The following RBFOX1 variants were observed in gnomAD, a reference collection of about 807,000 sequenced individuals.
RBFOX1 encodes RNA binding fox-1 homolog 1, also known as RNA binding protein fox-1 homolog 1.
In RBFOX1, 8 loss-of-function variants were observed where a neutral mutation model predicts 57.7. The observed-to-expected ratio is 0.14, with a 90% CI of 0.08 to 0.25. RBFOX1 has a LOEUF of 0.25. RBFOX1 is among the 10% of genes least tolerant of loss of function. RBFOX1 has a pLI of 1.00. For missense variants in RBFOX1, 611 were observed against 548.5 expected (o/e 1.11, Z -1.14); for synonymous variants, 326 against 222.4 (o/e 1.47, Z -4.15).
rs1567187333 is a variant in RBFOX1 at position 5,955,283 on chromosome 16, C to CAATAATATAAAATAAAATAAAATAA, written c.351+87953_351+87954insTATAAAATAAAATAAAATAAAATAA. The stretch of plus-strand genomic sequence containing the variant: ...GTGACAAGAGTGAGACTCTGTCTCC[C>CAATAATATAAAATAAAATAAAATAA]AATAAAATAAAATAAAATAAAATAA... On this transcript the variant is annotated intron_variant, in intron 4 of 19. Coordinates refer to the RBFOX1 transcript ENST00000641259. 3.6e-5 allele frequency among the ~76,000 whole-genome samples: 4 copies of CAATAATATAAAATAAAATAAAATAA among 111,594 alleles called. 1 individual carries two copies. Among genetic ancestry groups the CAATAATATAAAATAAAATAAAATAA allele is most frequent in the African/African-American group, 1.5e-4 (4 of 26,488 alleles). The allele number at this position is 111,594 out of a possible 152,430, so 73.2% of individuals were successfully genotyped here. A position where few individuals can be genotyped will look rare whatever the true frequency, so the allele number is the denominator to read the frequency against.
At chr16:7,460,389 A>ATATGTGTGTGTGTG in intron 4 of RBFOX1, among the ~76,000 whole-genome samples, 2 of 87,262 alleles carry the variant, frequency 2.3e-5, no homozygotes, top group African/African-American at 1.3e-4. Flanking sequence ...ATATATATAT[A>ATATGTGTGTGTGTG]TGTGTGTGTG....
chr16:5,414,779 G>T lies in RBFOX1; in HGVS notation c.220-52437G>T, dbSNP rs190980930. Among the ~76,000 whole-genome samples, 36 of 152,258 alleles carry T rather than the reference G, an allele frequency of 2.4e-4. No homozygotes were observed. The East Asian group carries it at 6.6e-3, about 28-fold the overall frequency. On this transcript the variant is annotated intron_variant, in intron 1 of 2. Transcript: ENST00000585867. ...GATCTTAAGGGTGAAATTGACAACT[G>T]GCTGGACATAACGTGACATATAGAG... is the stretch of plus-strand genomic sequence containing the variant.
chr16:7,653,219 G>T (rs1488230229), intron 11 of RBFOX1, among the ~76,000 whole-genome samples: 1 of 152,174 alleles, frequency 6.6e-6, no homozygotes, highest in Non-Finnish European at 1.5e-5. Flanking sequence ...ATGTTTGTGG[G>T]TTGGGCGTGG....
intron 4 of RBFOX1, among the ~76,000 whole-genome samples, chr16:7,060,106 A>C (rs2053786574): frequency 6.6e-6 from 1 of 152,186 alleles, no homozygotes; most frequent in African/African-American, 2.4e-5. Flanking sequence ...CCATAGAGTT[A>C]ACAAACTTTA....
chr16:6,124,774 C>T (rs1433653793), intron 1 of RBFOX1, among the ~76,000 whole-genome samples: 2 of 152,094 alleles, frequency 1.3e-5, no homozygotes, highest in Admixed American at 6.6e-5. Flanking sequence ...GTGATCTGCC[C>T]GCCTTGGCCT....
intron 11 of RBFOX1, among the ~76,000 whole-genome samples, chr16:7,638,084 G>A (rs936122429): frequency 7.2e-5 from 11 of 152,094 alleles, no homozygotes; most frequent in Non-Finnish European, 1.6e-4. Context: ...CTCCATTACA[G>A]AGTTTTTTGG....
chr16:7,000,875 T>C (rs1302688170), intron 3 of RBFOX1, among the ~76,000 whole-genome samples: 2 of 152,206 alleles, frequency 1.3e-5, no homozygotes, highest in Non-Finnish European at 2.9e-5. Flanking sequence ...GTGCTGGGAT[T>C]ACAGGCGTGA....
intron 1 of RBFOX1, among the ~76,000 whole-genome samples, chr16:6,278,799 C>T (rs1288981400): frequency 6.6e-6 from 1 of 151,738 alleles, no homozygotes; most frequent in Non-Finnish European, 1.5e-5. Context: ...AATAGAAACT[C>T]GATATTGTTT....
chr16:6,445,037 C>T (rs960738759), intron 2 of RBFOX1, among the ~76,000 whole-genome samples: 3 of 151,976 alleles, frequency 2.0e-5, no homozygotes, highest in African/African-American at 4.8e-5. Flanking sequence ...TGATGAGACC[C>T]TGTTGAGGTG....
intron 1 of RBFOX1, among the ~76,000 whole-genome samples, chr16:5,447,374 ATCAATC>A (rs1298681227): frequency 2.0e-4 from 16 of 79,156 alleles, no homozygotes; most frequent in Non-Finnish European, 3.8e-4. Context: ...CAATCAATCA[ATCAATC>A]TCTCTCTCTC....
At position 5,739,717 on chromosome 16, in the gene RBFOX1, G is replaced by C. The variant is rs1008761270; in HGVS notation, c.319-127586G>C. Among the ~76,000 whole-genome samples, 6 of 152,176 alleles carry C rather than the reference G, an allele frequency of 3.9e-5. No individual in the cohort carries two copies. In the East Asian group the frequency reaches 1.2e-3, roughly 29 times the overall value. On this transcript the variant is annotated intron_variant, in intron 3 of 19. Coordinates refer to the RBFOX1 transcript ENST00000641259. ...CTTAGAGCCAACAGAAAGGCCCTTG[G>C]GGCTGGGACAGGAAATCCTGTGTTG...
intron 12 of RBFOX1, among the ~76,000 whole-genome samples, chr16:7,659,464 A>C (rs2067143963): frequency 6.6e-6 from 1 of 152,170 alleles, no homozygotes; most frequent in African/African-American, 2.4e-5. Flanking sequence ...AGTCATCATT[A>C]CCCATTCTCA....
intron 4 of RBFOX1, among the ~76,000 whole-genome samples, chr16:7,464,106 C>T (rs1438936903): frequency 6.6e-6 from 1 of 152,166 alleles, no homozygotes; most frequent in African/African-American, 2.4e-5. Context: ...CTTACTTGTA[C>T]ATTGCCACTC....
At chr16:7,009,217 T>C (rs965787817) in intron 3 of RBFOX1, among the ~76,000 whole-genome samples, 2 of 134,590 alleles carry the variant, frequency 1.5e-5, no homozygotes, top group Non-Finnish European at 3.2e-5. Flanking sequence ...TTTCTCTCTG[T>C]CCCTCTTTCT....
intron 2 of RBFOX1, among the ~76,000 whole-genome samples, chr16:6,359,753 A>G (rs528292646): frequency 6.6e-6 from 1 of 152,170 alleles, no homozygotes. Context: ...CCAGCCTTAT[A>G]CTTATACTTA....
intron 1 of RBFOX1, among the ~76,000 whole-genome samples, chr16:5,390,734 G>A (rs1475071608): frequency 6.6e-6 from 1 of 152,106 alleles, no homozygotes; most frequent in African/African-American, 2.4e-5. Context: ...ACCCCAATCA[G>A]TTCACATTAT....
intron 1 of RBFOX1, among the ~76,000 whole-genome samples, chr16:5,374,558 G>C (rs1315257242): frequency 6.6e-6 from 1 of 152,146 alleles, no homozygotes; most frequent in Non-Finnish European, 1.5e-5. Context: ...AGAGTGGGGT[G>C]GAATTACAGA....
intron 2 of RBFOX1, among the ~76,000 whole-genome samples, chr16:6,338,207 C>T (rs937360207): frequency 6.6e-5 from 10 of 152,124 alleles, no homozygotes; most frequent in African/African-American, 2.4e-4. Flanking sequence ...CCCACCTCTT[C>T]ACTTGAATAC....
At chr16:6,170,600 AC>A (rs1256747218) in intron 1 of RBFOX1, among the ~76,000 whole-genome samples, 2 of 152,094 alleles carry the variant, frequency 1.3e-5, no homozygotes, top group Non-Finnish European at 2.9e-5. Context: ...TTTTTTTCAA[AC>A]TTTTATTTTA....
Sources: allele counts gnomAD v4.1 joint callset (sites outside exome capture counted in the v4.1 genomes callset), GRCh38; gene constraint gnomAD v4.1.1; transcripts MANE v1.5; gene names NCBI Gene and HGNC (gene_info 2026-07-23, HGNC 2026-07-21).